The following ULK4 variants were observed in gnomAD, a reference collection of about 807,000 sequenced individuals.
The protein encoded by ULK4 is unc-51 like kinase 4.
In ULK4, 133 loss-of-function variants were observed where a neutral mutation model predicts 160.6. The observed-to-expected ratio is 0.83, with a 90% CI of 0.72 to 0.96. The LOEUF is 0.96. ULK4 is among the 40% of genes least tolerant of loss of function. ULK4 has a pLI of 0.00. For missense variants in ULK4, 1,580 were observed against 1,499.5 expected, an observed-to-expected ratio of 1.05 and a Z score of -0.89; for synonymous variants, 534 against 539.8, an observed-to-expected ratio of 0.99 and a Z score of 0.15.
intron 34 of ULK4, among the ~76,000 whole-genome samples, chr3:41,423,293 C>A (rs1280083520): frequency 6.6e-6 from 1 of 152,096 alleles, no homozygotes; most frequent in African/African-American, 2.4e-5. Flanking sequence ...TGAATTGTTA[C>A]AATGTGCTTA....
intron 31 of ULK4, among the ~76,000 whole-genome samples, chr3:41,567,345 G>C (rs1320785235): frequency 6.6e-6 from 1 of 151,746 alleles, no homozygotes; most frequent in Non-Finnish European, 1.5e-5. Flanking sequence ...GAAAAAAGCA[G>C]AGCAGGGAAG....
At chr3:41,357,691 C>T (rs921059382) in intron 35 of ULK4, among the ~76,000 whole-genome samples, 2 of 152,186 alleles carry the variant, frequency 1.3e-5, no homozygotes, top group African/African-American at 4.8e-5. Context: ...GAAATGGTAA[C>T]AGCTCAGCAT....
chr3:41,579,654 C>G (rs926464674), intron 31 of ULK4, among the ~76,000 whole-genome samples: 1 of 151,934 alleles, frequency 6.6e-6, no homozygotes, highest in East Asian at 2.0e-4. Flanking sequence ...CCTCCATGCC[C>G]GGCTAATTTT....
chr3:41,466,788 G>T lies in ULK4; in HGVS notation c.3227-3535C>A, dbSNP rs566095520. Among the ~76,000 whole-genome samples, 69 of 152,252 alleles carry T rather than the reference G, an allele frequency of 4.5e-4. 1 individual carries two copies. Among genetic ancestry groups the T allele is most frequent in the African/African-American group, 1.5e-3 (64 of 41,560 alleles). On this transcript the variant is annotated intron_variant, in intron 32 of 36. Coordinates refer to ENST00000301831, the MANE Select transcript of ULK4 (RefSeq NM_017886.4). Reference sequence around the variant, plus strand: ...TATATGTATGTGTGTATATATGTGTGTGTATATGTGCATGTGTGTGTCCAA... The same window carrying T: ...TATATGTATGTGTGTATATATGTGTTTGTATATGTGCATGTGTGTGTCCAA...
chr3:41,296,350 GA>G (rs962253122), intron 35 of ULK4, among the ~76,000 whole-genome samples: 1 of 152,230 alleles, frequency 6.6e-6, no homozygotes, highest in African/African-American at 2.4e-5. Flanking sequence ...AGGTACTGAA[GA>G]GAAGGGTTGG....
chr3:41,634,944 G>A (rs2033889385), intron 30 of ULK4, among the ~76,000 whole-genome samples: 1 of 152,188 alleles, frequency 6.6e-6, no homozygotes, highest in Non-Finnish European at 1.5e-5. Flanking sequence ...AGGAATCTCA[G>A]GGCATATCAA....
At chr3:41,875,110 ATGAACT>A (rs1697252414) in intron 17 of ULK4, among the ~76,000 whole-genome samples, 1 of 152,120 alleles carries the variant, frequency 6.6e-6, no homozygotes, top group Admixed American at 6.5e-5. Context: ...GCCCAGGAGT[ATGAACT>A]TTCAGTGAGC....
intron 32 of ULK4, among the ~76,000 whole-genome samples, chr3:41,483,943 T>C (rs190990069): frequency 6.6e-6 from 1 of 152,148 alleles, no homozygotes; most frequent in Non-Finnish European, 1.5e-5. Flanking sequence ...TCAGCTTGGT[T>C]TTCCAAGGCA....
intron 30 of ULK4, among the ~76,000 whole-genome samples, chr3:41,627,365 A>C (rs1226050595): frequency 6.6e-6 from 1 of 152,168 alleles, no homozygotes; most frequent in Non-Finnish European, 1.5e-5. Context: ...GCCCCATCTT[A>C]GGTTCCCTTG....
chr3:41,802,229 G>C (rs2040483569), intron 19 of ULK4, among the ~76,000 whole-genome samples: 1 of 152,086 alleles, frequency 6.6e-6, no homozygotes, highest in Non-Finnish European at 1.5e-5. Context: ...GAATAAAAAA[G>C]TAAATATGTG....
chr3:41,696,021 A>G (rs1575579907), intron 27 of ULK4, among the ~76,000 whole-genome samples: 1 of 152,280 alleles, frequency 6.6e-6, no homozygotes, highest in South Asian at 2.1e-4. Context: ...GTCTGGGAAG[A>G]CGCCCGCTGC....
intron 32 of ULK4, among the ~76,000 whole-genome samples, chr3:41,562,731 CTT>C (rs2087635397): frequency 6.6e-6 from 1 of 152,028 alleles, no homozygotes; most frequent in South Asian, 2.1e-4. Context: ...TCCTCCATCC[CTT>C]TATTTTGAGC....
chr3:41,886,082 T>C (rs1697710953), intron 16 of ULK4, among the ~76,000 whole-genome samples: 1 of 152,104 alleles, frequency 6.6e-6, no homozygotes, highest in Non-Finnish European at 1.5e-5. Flanking sequence ...ACCTCATAAG[T>C]AGGACCAACA....
At chr3:41,366,954 A>C (rs973667127) in intron 35 of ULK4, among the ~76,000 whole-genome samples, 5 of 152,244 alleles carry the variant, frequency 3.3e-5, no homozygotes, top group Non-Finnish European at 5.9e-5. Flanking sequence ...TCTTGTAAGT[A>C]AGTCACTTGA....
rs76797908 is a variant in ULK4, at chr3:41,795,340, A to G, written c.2010+4792T>C. Among the ~76,000 whole-genome samples, 1,016 of 152,252 alleles carry G rather than the reference A, an allele frequency of 6.7e-3. 9 individuals are homozygous for G. Among genetic ancestry groups the G allele is most frequent in the African/African-American group, 0.024 (981 of 41,544 alleles). ...GCTGTTCCCCCACCTGCCTTTTGTT[A>G]TTAGCAGGAATCTTATGGCCTATTC... On this transcript the variant is annotated intron_variant, in intron 20 of 36. Transcript: ENST00000301831.
At chr3:41,740,138 T>C (rs965722006) in intron 22 of ULK4, among the ~76,000 whole-genome samples, 2 of 151,948 alleles carry the variant, frequency 1.3e-5, no homozygotes, top group Non-Finnish European at 2.9e-5. Context: ...GGTTTCTTTT[T>C]GGTATATAAT....
intron 18 of ULK4, among the ~76,000 whole-genome samples, chr3:41,831,336 G>A (rs2041575451): frequency 6.6e-6 from 1 of 150,954 alleles, no homozygotes; most frequent in South Asian, 2.1e-4. Context: ...AGGGAGCAGG[G>A]AGCTACAAGT....
chr3:41,529,531 C>A (rs996180632), intron 32 of ULK4, among the ~76,000 whole-genome samples: 1 of 152,212 alleles, frequency 6.6e-6, no homozygotes, highest in Non-Finnish European at 1.5e-5. Flanking sequence ...GTCACCCAGG[C>A]TGGAGTGCAG....
In ULK4 at chr3:41,734,341, G is replaced by A. The variant is rs1041040329; in HGVS notation, c.2322-16480C>T. 2.2e-4 allele frequency among the ~76,000 whole-genome samples: 34 copies of A among 152,324 alleles called. 1 individual carries two copies. The highest frequency in any genetic ancestry group is 6.5e-4 in the Admixed American group (10 of 15,290). ...ACTGAATGTATTTGACTATTACTGA[G>A]TAACTGGATCAAGTGCTACTGAATG... is the stretch of plus-strand genomic sequence containing the variant. On this transcript the variant is annotated intron_variant, in intron 22 of 36. Coordinates refer to ENST00000301831, the MANE Select transcript of ULK4 (RefSeq NM_017886.4).
Sources: gnomAD v4.1 joint callset for allele counts (sites outside exome capture counted in the v4.1 genomes callset) on GRCh38, gnomAD v4.1.1 for gene constraint, MANE v1.5 for transcripts, NCBI Gene and HGNC (gene_info 2026-07-23, HGNC 2026-07-21) for gene names.